Variants in USH2A observed in about 807,000 individuals in gnomAD.
USH2A encodes usherin.
In USH2A, 443 loss-of-function variants were observed where a neutral mutation model predicts 538.9. The ratio of observed to expected loss-of-function variants is 0.82; its 90% CI spans 0.76 to 0.89. The LOEUF is 0.89. Ranked by LOEUF, USH2A falls within the 40% of genes least tolerant of loss-of-function variation. The pLI is 0.00. For missense variants in USH2A, 6,633 were observed against 6,324.8 expected (o/e 1.05, Z -1.65); for synonymous variants, 2,413 against 2,273.5 (o/e 1.06, Z -1.75).
At chr1:216,012,412 A>G (rs1668596540) in intron 32 of USH2A, among the ~76,000 whole-genome samples, 1 of 152,126 alleles carries the variant, frequency 6.6e-6, no homozygotes, top group African/African-American at 2.4e-5. Context: ...CCCTAGTCAG[A>G]TAACTAAAAT....
At chr1:215,913,636 T>C (rs1198850721) in intron 38 of USH2A, among the ~76,000 whole-genome samples, 3 of 152,130 alleles carry the variant, frequency 2.0e-5, no homozygotes, top group Non-Finnish European at 4.4e-5. Flanking sequence ...TTTGAAAATA[T>C]TGAGGCACAG....
intron 32 of USH2A, among the ~76,000 whole-genome samples, chr1:216,017,209 C>T (rs1668735028): frequency 6.6e-6 from 1 of 151,162 alleles, no homozygotes; most frequent in African/African-American, 2.4e-5. Context: ...CTCTCTCTAT[C>T]TTGCTATGGT....
At chr1:216,220,796 A>T (rs1342906995) in intron 14 of USH2A, among the ~76,000 whole-genome samples, 1 of 152,018 alleles carries the variant, frequency 6.6e-6, no homozygotes, top group Non-Finnish European at 1.5e-5. Flanking sequence ...AAATTGGTAG[A>T]ATGGGAGGCC....
At chr1:215,715,372 C>CT (rs1437366247) in intron 61 of USH2A, among the ~76,000 whole-genome samples, 2 of 152,200 alleles carry the variant, frequency 1.3e-5, no homozygotes, top group Non-Finnish European at 2.9e-5. Context: ...AGGTCAACGT[C>CT]TATCATTTTG....
intron 38 of USH2A, among the ~76,000 whole-genome samples, chr1:215,928,276 T>C (rs1283075408): frequency 1.3e-5 from 2 of 152,170 alleles, no homozygotes; most frequent in Non-Finnish European, 2.9e-5. Flanking sequence ...AATCTATTGA[T>C]ATACATTTAT....
intron 3 of USH2A, among the ~76,000 whole-genome samples, chr1:216,390,300 T>C (rs1295307365): frequency 1.3e-5 from 2 of 152,154 alleles, no homozygotes; most frequent in East Asian, 3.9e-4. Context: ...GAGTTATTTG[T>C]ATAGAGCAGG....
At chr1:215,925,484 A>G (rs1666215033) in intron 38 of USH2A, among the ~76,000 whole-genome samples, 1 of 152,192 alleles carries the variant, frequency 6.6e-6, no homozygotes, top group South Asian at 2.1e-4. Flanking sequence ...ACTGGATGTA[A>G]TATAAATTGT....
At chr1:215,880,830 C>G (rs11120687) in intron 41 of USH2A, among the ~76,000 whole-genome samples, 4,578 of 152,296 alleles carry the variant, frequency 0.03, 91 homozygotes, top group Non-Finnish European at 0.035. Flanking sequence ...TTAGTCCTTG[C>G]CCATGCCTAT....
In USH2A at chr1:215,998,901, G is replaced by A. The variant is rs1236202380; in HGVS notation, c.6643C>T (p.Leu2215Phe). 2 of 1,612,862 alleles carry A rather than the reference G, an allele frequency of 1.2e-6. No homozygotes were observed. The highest frequency in any genetic ancestry group is 2.2e-5 in the East Asian group (1 of 44,772). ...LQYVLPGNKY[L>F]IKLGACTGGG... is the part of the protein sequence containing the mutation. ...AATAAACTTACTCCCAGCTTGATGAGATATTTATTACCAGGTAAAACGTAT... is the reference window on the plus strand; with the variant it reads ...AATAAACTTACTCCCAGCTTGATGAAATATTTATTACCAGGTAAAACGTAT... The change falls in exon 34 of 72, where the codon CTC (leucine) becomes TTC (phenylalanine). Residue 2215 changes from leucine (L) to phenylalanine (F), a missense_variant. Transcript: ENST00000307340.
At chr1:215,856,704 C>T (rs568228279) in intron 44 of USH2A, among the ~76,000 whole-genome samples, 21 of 151,938 alleles carry the variant, frequency 1.4e-4, no homozygotes, top group African/African-American at 4.6e-4. Flanking sequence ...GGGTATCTAC[C>T]AAGAGGAAAA....
intron 61 of USH2A, among the ~76,000 whole-genome samples, chr1:215,713,254 G>T (rs570882844): frequency 6.6e-6 from 1 of 152,126 alleles, no homozygotes; most frequent in Non-Finnish European, 1.5e-5. Context: ...TTTACTGAGT[G>T]CCGTCTCAGT....
At chr1:216,008,756 C>A (rs188318719) in intron 32 of USH2A, among the ~76,000 whole-genome samples, 34 of 152,308 alleles carry the variant, frequency 2.2e-4, no homozygotes, top group African/African-American at 2.6e-4. Context: ...CCCTCAACCA[C>A]TTTCTCCTTT....
At chr1:216,174,904 G>T (rs2102640481) in intron 21 of USH2A, 1 of 1,121,686 alleles carries the variant, frequency 8.9e-7, no homozygotes. Context: ...ATAGCATGAG[G>T]GCATTTTGCA....
chr1:215,639,130 G>A (rs375063420), intron 69 of USH2A, 25 bp downstream of exon 69: 12 of 1,608,478 alleles, frequency 7.5e-6, no homozygotes, highest in Admixed American at 6.7e-5. Flanking sequence ...TAGGTGCTAC[G>A]CCAAGTATAA....
intron 49 of USH2A, among the ~76,000 whole-genome samples, chr1:215,801,975 G>A (rs1662347494): frequency 6.6e-6 from 1 of 151,306 alleles, no homozygotes; most frequent in African/African-American, 2.4e-5. Flanking sequence ...TGCATATATG[G>A]GCAAATGATT....
intron 41 of USH2A, among the ~76,000 whole-genome samples, chr1:215,884,389 T>C (rs1664995812): frequency 6.6e-6 from 1 of 152,206 alleles, no homozygotes; most frequent in Non-Finnish European, 1.5e-5. Context: ...GCACTTTTTT[T>C]CCATTTGTTG....
At chr1:216,395,840 C>T (rs2039203001) in intron 3 of USH2A, among the ~76,000 whole-genome samples, 1 of 152,160 alleles carries the variant, frequency 6.6e-6, no homozygotes, top group South Asian at 2.1e-4. Context: ...AATAATTATC[C>T]AGTCCAAAAT....
In USH2A at chr1:215,643,513, A is replaced by G. The variant is rs949989735; in HGVS notation, c.14792-2779T>C. Among the ~76,000 whole-genome samples the G allele has an allele frequency of 2.2e-5, 3 of 136,792 alleles. No homozygotes were observed. In the Admixed American group the frequency reaches 2.3e-4, roughly 10 times the overall value. The allele number at this position is 136,792 out of a possible 152,430, so 89.7% of individuals were successfully genotyped here. On this transcript the variant is annotated intron_variant, in intron 67 of 71. Coordinates refer to ENST00000307340, the MANE Select transcript of USH2A (RefSeq NM_206933.4). ...TGCTTCTCCAATATAAAAAAACACA[A>G]ATAGATAAAATCCTTTTTTTTTTTT...
At chr1:216,134,137 T>C (rs1371464890) in intron 21 of USH2A, among the ~76,000 whole-genome samples, 1 of 152,124 alleles carries the variant, frequency 6.6e-6, no homozygotes, top group African/African-American at 2.4e-5. Context: ...AAACAACTCT[T>C]CTAATTCTCA....
Sources: gnomAD v4.1 joint callset for allele counts (sites outside exome capture counted in the v4.1 genomes callset) on GRCh38, gnomAD v4.1.1 for gene constraint, MANE v1.5 for transcripts, NCBI Gene and HGNC (gene_info 2026-07-23, HGNC 2026-07-21) for gene names.